FBN2: variants seen among roughly 807,000 people sequenced by gnomAD.
The protein encoded by FBN2 is fibrillin 2, also known as fibrillin-2.
FBN2 carries 105 observed loss-of-function variants against 355.6 expected under a neutral mutation model. That is an observed-to-expected ratio of 0.30 (90% CI 0.25 to 0.35). FBN2 has a LOEUF of 0.35. Among genes scored for constraint, FBN2 ranks in the 10% least tolerant of loss-of-function variants. FBN2 has a pLI of 1.00. For missense variants in FBN2, 3,280 were observed against 3,758.7 expected (o/e 0.87, Z 3.33); for synonymous variants, 1,350 against 1,301.2 (o/e 1.04, Z -0.81).
chr5:128,339,040 G>A lies in FBN2; in HGVS notation c.3365C>T (p.Ser1122Phe). 1 of 1,613,954 alleles carries A rather than the reference G, an allele frequency of 6.2e-7. No homozygotes were observed. Among genetic ancestry groups the A allele is most frequent in the Non-Finnish European group, 8.5e-7 (1 of 1,179,846 alleles). The part of the protein sequence containing the change: ...NCTDIDECRI[S>F]PDLCGSGICV... ...GATTCCACTGCCACAGAGGTCAGGA[G>A]AAATCCTGCACTCGTCGATGTCTAA... The change falls in exon 26 of 65, where the codon TCT (serine) becomes TTT (phenylalanine). Residue 1122 changes from serine to phenylalanine, a missense_variant. By Grantham distance (155) the Ser-to-Phe change is radical (BLOSUM62 -2). This residue lies in a region of FBN2 where 2,284 missense variants were observed against 2,749.5 expected (regional missense o/e 0.83). Transcript: ENST00000262464.
chr5:128,337,939 A>G, intron 27 of FBN2, 58 bp downstream of exon 27: 1 of 1,597,772 alleles, frequency 6.3e-7, no homozygotes. Context: ...GTCAGAACTG[A>G]TCCCTGGTCT....
intron 56 of FBN2, among the ~76,000 whole-genome samples, chr5:128,279,414 A>G (rs893398137): frequency 3.9e-5 from 6 of 152,202 alleles, no homozygotes; most frequent in African/African-American, 1.4e-4. Context: ...ACAGAAAATT[A>G]CACTTTATAT....
chr5:128,339,071 AG>A lies in FBN2; in HGVS notation c.3344-11del. On this transcript the variant is annotated splice_polypyrimidine_tract_variant and intron_variant, in intron 25 of 64. Transcript: ENST00000262464. ...CTGCACTCGTCGATGTCTAATTCACAGGGTTTAAAAGAAATTTAAAAATTGA... is the reference window on the plus strand; with the variant it reads ...CTGCACTCGTCGATGTCTAATTCACAGGTTTAAAAGAAATTTAAAAATTGA... 1 of 1,613,616 alleles carries A rather than the reference AG, an allele frequency of 6.2e-7. No homozygotes were observed. The highest frequency in any genetic ancestry group is 1.1e-5 in the South Asian group (1 of 91,078).
intron 42 of FBN2, 68 bp downstream of exon 42, chr5:128,307,067 A>C (rs1749904503): frequency 9.9e-7 from 1 of 1,011,474 alleles, no homozygotes; most frequent in Admixed American, 1.7e-5. Context: ...AATTTTAAAA[A>C]CATAGAATAG....
chr5:128,465,773 A>C (rs982575612), intron 5 of FBN2, among the ~76,000 whole-genome samples: 2 of 152,238 alleles, frequency 1.3e-5, no homozygotes, highest in African/African-American at 4.8e-5. Context: ...ATACATAGGC[A>C]AATTCTTCTA....
chr5:128,313,952 C>T (rs1019070591), intron 36 of FBN2, among the ~76,000 whole-genome samples: 6 of 150,436 alleles, frequency 4.0e-5, no homozygotes, highest in African/African-American at 1.2e-4. Context: ...CAACTGAGTT[C>T]CAGCCACCAT....
chr5:128,259,440 C>G lies in FBN2; in HGVS notation c.*15G>C. ...CTGTGCTAGGATTTGAGCCTGGGCC[C>G]AAGTCTGTGAAGGGTTAATAGAGCT... On this transcript the variant is annotated 3_prime_UTR_variant, in exon 65 of 65. Transcript: ENST00000262464. The G allele has an allele frequency of 6.2e-7, 1 of 1,612,480 alleles. No individual in the cohort carries two copies. Among genetic ancestry groups the G allele is most frequent in the South Asian group, 1.1e-5 (1 of 91,002 alleles).
chr5:128,496,740 C>T (rs992954840), intron 5 of FBN2, among the ~76,000 whole-genome samples: 7 of 151,838 alleles, frequency 4.6e-5, no homozygotes, highest in East Asian at 1.9e-4. Flanking sequence ...GCAACACTCA[C>T]GCATTTCATG....
rs185052980 is a variant in FBN2, at chr5:128,261,729, T to C, written c.8364+7A>G. 41 of 1,613,902 alleles carry C rather than the reference T, an allele frequency of 2.5e-5. No homozygotes were observed. Among genetic ancestry groups the C allele is most frequent in the Non-Finnish European group, 3.4e-5 (40 of 1,179,852 alleles). On this transcript the variant is annotated splice_region_variant and intron_variant, in intron 64 of 64. Transcript: ENST00000262464. ...TTTTGTGGCAACACAGAGTGGGATA[T>C]ACTCACAGCAGTGGGATCAGGTTCA... is the stretch of plus-strand genomic sequence containing the variant.
At chr5:128,280,145 A>T in intron 56 of FBN2, 47 bp downstream of exon 56, 1 of 1,529,058 alleles carries the variant, frequency 6.5e-7, no homozygotes, top group Non-Finnish European at 9.0e-7. Context: ...GACATCATGA[A>T]CAGATGTTTT....
intron 5 of FBN2, among the ~76,000 whole-genome samples, chr5:128,490,949 G>A (rs984387422): frequency 2.6e-5 from 4 of 152,108 alleles, no homozygotes; most frequent in Non-Finnish European, 2.9e-5. Flanking sequence ...CAAGTACAGA[G>A]TGCTCTTGAG....
intron 47 of FBN2, 94 bp from the exon 48 acceptor site, chr5:128,301,030 C>G: frequency 8.6e-7 from 1 of 1,164,034 alleles, no homozygotes; most frequent in Non-Finnish European, 1.3e-6. Flanking sequence ...ATGAATTCAA[C>G]TCGGGTCCTC....
chr5:128,447,730 A>G (rs1364887243), intron 6 of FBN2, among the ~76,000 whole-genome samples: 1 of 152,176 alleles, frequency 6.6e-6, no homozygotes, highest in African/African-American at 2.4e-5. Context: ...AATCACTAAT[A>G]AAAACTTGCT....
intron 5 of FBN2, among the ~76,000 whole-genome samples, chr5:128,488,937 T>A (rs1039245466): frequency 1.3e-5 from 2 of 152,146 alleles, no homozygotes; most frequent in African/African-American, 4.8e-5. Flanking sequence ...TCTTTGCTAT[T>A]GTGAATAGTG....
At chr5:128,510,698 A>G (rs997850787) in intron 5 of FBN2, among the ~76,000 whole-genome samples, 3 of 152,146 alleles carry the variant, frequency 2.0e-5, no homozygotes, top group Admixed American at 1.3e-4. Flanking sequence ...ATACATATAT[A>G]TGTGTGTGTA....
At chr5:128,513,058 A>T (rs2127154347) in intron 5 of FBN2, among the ~76,000 whole-genome samples, 1 of 152,356 alleles carries the variant, frequency 6.6e-6, no homozygotes, top group South Asian at 2.1e-4. Flanking sequence ...TTCTAAAAAT[A>T]CAACAAGTAA....
At chr5:128,338,554 A>C (rs574362419) in intron 26 of FBN2, among the ~76,000 whole-genome samples, 20 of 152,318 alleles carry the variant, frequency 1.3e-4, no homozygotes, top group African/African-American at 4.6e-4. Flanking sequence ...GGGAATACCA[A>C]AAGAGTTTGT....
intron 62 of FBN2, among the ~76,000 whole-genome samples, chr5:128,264,498 T>G (rs189909155): frequency 1.8e-4 from 28 of 152,358 alleles, no homozygotes; most frequent in Admixed American, 1.3e-3. Flanking sequence ...TAGGTTATAC[T>G]TTCAGTTACT....
chr5:128,390,463 G>A (rs1283862409), intron 11 of FBN2, among the ~76,000 whole-genome samples: 1 of 151,974 alleles, frequency 6.6e-6, no homozygotes, highest in African/African-American at 2.4e-5. Flanking sequence ...GCACCAAACT[G>A]TCCTACCAGT....
Sources: gnomAD v4.1 joint callset for allele counts (sites outside exome capture counted in the v4.1 genomes callset) on GRCh38, gnomAD v4.1.1 for gene constraint, gnomAD v4.1.1 regional missense constraint, MANE v1.5 for transcripts, NCBI Gene and HGNC (gene_info 2026-07-23, HGNC 2026-07-21) for gene names.